The following GPN1 variants were observed in gnomAD, a reference collection of about 807,000 sequenced individuals.
GPN1 encodes the protein ATP(GTP)-binding protein.
In GPN1, 44 loss-of-function variants were observed where a neutral mutation model predicts 55.9. The observed-to-expected ratio is 0.79, with a 90% CI of 0.62 to 1.01. The LOEUF is 1.01. Ranked by LOEUF, GPN1 falls within the 50% of genes least tolerant of loss-of-function variation. The pLI is 0.00. For synonymous variants in GPN1, 179 were observed against 162.5 expected, an observed-to-expected ratio of 1.10 and a Z score of -0.77; for missense variants, 466 against 462.8, an observed-to-expected ratio of 1.01 and a Z score of -0.06.
At chr2:27,647,998 T>G (rs779177170) in intron 13 of GPN1, 55 bp downstream of exon 13, 1 of 978,242 alleles carries the variant, frequency 1.0e-6, no homozygotes, top group Non-Finnish European at 1.6e-6. Flanking sequence ...ATCCTCACAT[T>G]GTTTGCCCAG....
At chr2:27,642,972 C>T (rs1183471871) in intron 12 of GPN1, among the ~76,000 whole-genome samples, 4 of 150,874 alleles carry the variant, frequency 2.7e-5, no homozygotes, top group South Asian at 2.1e-4. Context: ...CACACACACA[C>T]ACACACACAC....
chr2:27,639,939 T>C, intron 9 of GPN1, 104 bp from the exon 10 acceptor site: 3 of 841,266 alleles, frequency 3.6e-6, no homozygotes, highest in Admixed American at 4.4e-5. Flanking sequence ...TCTCAAAATA[T>C]AAACCACTCT....
At chr2:27,628,726 G>A (rs1470926581), upstream of GPN1, 31 of 1,551,076 alleles carry the variant, frequency 2.0e-5, no homozygotes, top group Non-Finnish European at 2.5e-5. Flanking sequence ...CATGCTCCTC[G>A]TTTTCTTGCT....
chr2:27,646,937 A>G (rs1376392336), intron 12 of GPN1, among the ~76,000 whole-genome samples: 2 of 152,246 alleles, frequency 1.3e-5, no homozygotes, highest in Non-Finnish European at 2.9e-5. Context: ...TCACTTCTGA[A>G]TATGTGAAGT....
intron 12 of GPN1, among the ~76,000 whole-genome samples, chr2:27,644,099 C>T (rs1217533192): frequency 3.3e-5 from 5 of 152,098 alleles, no homozygotes; most frequent in African/African-American, 4.8e-5. Context: ...CTCTTGAACC[C>T]GGGAGGCAGA....
chr2:27,634,595 A>G (rs1160552025), intron 5 of GPN1, among the ~76,000 whole-genome samples: 3 of 152,162 alleles, frequency 2.0e-5, no homozygotes, highest in Non-Finnish European at 4.4e-5. Flanking sequence ...TGTTTCTATA[A>G]AAGTTTCCCC....
chr2:27,639,425 A>C (rs897800651), intron 9 of GPN1, among the ~76,000 whole-genome samples: 1 of 152,224 alleles, frequency 6.6e-6, no homozygotes, highest in Non-Finnish European at 1.5e-5. Context: ...TTGCCCAAGG[A>C]AAGACATAGA....
chr2:27,633,830 C>T (rs1264742986), intron 5 of GPN1, among the ~76,000 whole-genome samples: 2 of 151,542 alleles, frequency 1.3e-5, no homozygotes, highest in South Asian at 2.1e-4. Context: ...AATTCATATA[C>T]CATAAAGTTC....
Position 27,651,169 on chromosome 2 carries a change from A to C in GPN1, c.*969A>C, listed in dbSNP as rs377620467. ...TCCACATTTTACAGTATCTTAAAAC[A>C]GTACATTTCTTTCAAAGAATTTTAT... On this transcript the variant is annotated 3_prime_UTR_variant, in exon 14 of 14. Transcript: ENST00000610189. The C allele has an allele frequency of 2.2e-4, 34 of 152,482 alleles. No homozygotes were observed. In the East Asian group the frequency reaches 5.4e-3, roughly 24 times the overall value. The allele number at this position is 152,482 out of a possible 1,614,324, so 9.4% of individuals were successfully genotyped here. A position where few individuals can be genotyped will look rare whatever the true frequency, so the allele number is the denominator to read the frequency against.
intron 3 of GPN1, chr2:27,631,472 G>C: frequency 2.4e-6 from 1 of 423,136 alleles, no homozygotes; most frequent in Non-Finnish European, 4.3e-6. Flanking sequence ...GTCTAAGTAG[G>C]AAGACTAATC....
rs1224779731 is a variant in GPN1, at chr2:27,641,238, A to T, written c.801-2A>T. ...GAATTTAGAAAGTGTTTCTCTTTACAGGGAGTATCGTCCTGAATATGAACG... is the reference window on the plus strand; with the variant it reads ...GAATTTAGAAAGTGTTTCTCTTTACTGGGAGTATCGTCCTGAATATGAACG... On this transcript the variant is annotated splice_acceptor_variant, in intron 10 of 13. Coordinates refer to ENST00000610189, the MANE Select transcript of GPN1 (RefSeq NM_007266.4). LOFTEE classifies it high-confidence loss of function. The T allele has an allele frequency of 6.2e-7, 1 of 1,601,976 alleles. No individual in the cohort carries two copies.
At position 27,631,903 on chromosome 2, in the gene GPN1, A is replaced by G; in HGVS notation, c.312+3A>G. 6.6e-7 allele frequency: 1 copy of G among 1,525,136 alleles called. No homozygotes were observed. Among genetic ancestry groups the G allele is most frequent in the Non-Finnish European group, 9.1e-7 (1 of 1,098,718 alleles). 94.5% of individuals were successfully genotyped at this position (1,525,136 alleles called of 1,614,324 possible). ...TCTTTGCTACCAGATTTGATCAGGT[A>G]TATCTGTCTTTAGTATATTAATATG... On this transcript the variant is annotated splice_donor_region_variant and intron_variant, in intron 4 of 13. Transcript: ENST00000610189.
chr2:27,630,905 G>A, intron 2 of GPN1, 122 bp from the exon 3 acceptor site: 2 of 696,090 alleles, frequency 2.9e-6, no homozygotes, highest in South Asian at 3.1e-5. Flanking sequence ...GGAAACCAGT[G>A]TGAAAGTGGA....
intron 10 of GPN1, among the ~76,000 whole-genome samples, chr2:27,640,886 G>A (rs1558489724): frequency 6.6e-6 from 1 of 152,166 alleles, no homozygotes. Context: ...TGTTGTTCAA[G>A]TAAAGCACAT....
Position 27,632,690 on chromosome 2 carries a change from C to A in GPN1, c.350+20C>A, listed in dbSNP as rs755528901. 1.3e-6 allele frequency: 2 copies of A among 1,495,500 alleles called. No homozygotes were observed. Among genetic ancestry groups the A allele is most frequent in the Admixed American group, 1.7e-5 (1 of 59,806 alleles). 92.6% of individuals were successfully genotyped at this position (1,495,500 alleles called of 1,614,324 possible). ...GTCCAAGTAAGTGATGTCAGTAACA[C>A]CCATTTATTACTCTGTAGCTGACAT... On this transcript the variant is annotated intron_variant, in intron 5 of 13. Transcript: ENST00000610189.
At chr2:27,642,271 CTACT>C (rs1673987838) in intron 11 of GPN1, 154 bp from the exon 12 acceptor site, 1 of 587,400 alleles carries the variant, frequency 1.7e-6, no homozygotes, top group Middle Eastern at 3.0e-4. Flanking sequence ...CAGGCCCACG[CTACT>C]TAGTGTTTCT....
chr2:27,637,098 A>T (rs1237761376), intron 7 of GPN1, among the ~76,000 whole-genome samples: 1 of 152,178 alleles, frequency 6.6e-6, no homozygotes, highest in East Asian at 1.9e-4. Context: ...TCTACAAAAT[A>T]TAAAACTTTG....
At chr2:27,629,520 C>G (rs908977086) in intron 1 of GPN1, 1 of 918,400 alleles carries the variant, frequency 1.1e-6, no homozygotes, top group Admixed American at 2.0e-5. Flanking sequence ...ATATTTCTTG[C>G]ACGCCTGTCA....
chr2:27,637,631 A>G (rs1342239312), intron 7 of GPN1, among the ~76,000 whole-genome samples: 1 of 152,244 alleles, frequency 6.6e-6, no homozygotes, highest in Non-Finnish European at 1.5e-5. Flanking sequence ...TTATTTGTAA[A>G]GAATAAAGGA....
Sources: gnomAD v4.1 joint callset for allele counts (sites outside exome capture counted in the v4.1 genomes callset) on GRCh38, gnomAD v4.1.1 for gene constraint, MANE v1.5 for transcripts, NCBI Gene and HGNC (gene_info 2026-07-23, HGNC 2026-07-21) for gene names.